Variants in EVC observed in about 807,000 individuals in gnomAD.
EVC encodes EvC ciliary complex subunit 1, also known as evC complex member EVC.
Under a neutral mutation model 118.9 loss-of-function variants are expected in EVC, and 116 were observed. That is an observed-to-expected ratio of 0.98 (90% CI 0.84 to 1.14). The LOEUF (loss-of-function observed/expected upper bound fraction) is 1.14, where lower values mean the gene tolerates loss of function less well. EVC is among the 50% of genes most tolerant of loss of function. EVC has a pLI of 0.00. For synonymous variants in EVC, 619 were observed against 534.7 expected, an observed-to-expected ratio of 1.16 and a Z score of -2.18; for missense variants, 1,401 against 1,246.4, an observed-to-expected ratio of 1.12 and a Z score of -1.87.
chr4:5,712,150 T>C (rs935106092), intron 1 of EVC, among the ~76,000 whole-genome samples: 22 of 152,172 alleles, frequency 1.4e-4, no homozygotes, highest in African/African-American at 4.3e-4. Context: ...AAACTATCGG[T>C]TATGACACCG....
intron 2 of EVC, among the ~76,000 whole-genome samples, chr4:5,721,543 G>C (rs1003752018): frequency 1.7e-5 from 2 of 114,974 alleles, no homozygotes; most frequent in African/African-American, 2.7e-5. Context: ...AAGAGGACAG[G>C]GTTTCTCTTT....
At chr4:5,821,520 T>C in the EVC span, 2 of 536,152 alleles carry the variant, frequency 3.7e-6, no homozygotes, top group Non-Finnish European at 6.7e-6. This position sits in a 1 kb window ranked among gnomAD's most constrained non-coding sequence, Gnocchi z 4.4. Flanking sequence ...GAAGGGGGAA[T>C]GAAAACACCA....
chr4:5,801,953 A>G lies in EVC; in HGVS notation c.2308A>G (p.Thr770Ala), dbSNP rs1295761643. The change falls in exon 16 of 21, where the codon ACA becomes GCA. Residue 770 changes from threonine (T) to alanine (A), a missense_variant. By Grantham distance (58) the Thr-to-Ala change is moderately conservative. Transcript: ENST00000264956. ...TGTCCTTCCTTTCTTCCCTCAGAGG[A>G]CACTGATGGAGGCGGCAGTGGAGAG... is the stretch of plus-strand genomic sequence containing the variant. ...RAKDRDDFKR[T>A]LMEAAVESVY... 2 of 1,613,266 alleles carry G rather than the reference A, an allele frequency of 1.2e-6. No individual in the cohort carries two copies. The highest frequency in any genetic ancestry group is 1.7e-6 in the Non-Finnish European group (2 of 1,179,950).
the EVC span, chr4:5,821,692 C>A: frequency 6.9e-7 from 1 of 1,457,306 alleles, no homozygotes. The surrounding 1 kb of genome is among the most constrained non-coding windows in gnomAD (Gnocchi z 4.4). Flanking sequence ...GTTTCAAAAA[C>A]ACTGACAGGA....
At position 5,788,528 on chromosome 4, in the gene EVC, G is replaced by A. The variant is rs368797683; in HGVS notation, c.1776+4764G>A. Among the ~76,000 whole-genome samples the A allele has an allele frequency of 1.2e-4, 18 of 152,272 alleles. No individual in the cohort carries two copies. In the South Asian group the frequency reaches 2.5e-3, roughly 21 times the overall value. On this transcript the variant is annotated intron_variant, in intron 12 of 20. Transcript: ENST00000264956. ...AGAAATGGGTGTGTCAAAAACAGCCGTTGCTCTTCCTGCCAACCTGCCTTA... is the reference window on the plus strand; with the variant it reads ...AGAAATGGGTGTGTCAAAAACAGCCATTGCTCTTCCTGCCAACCTGCCTTA...
At position 5,743,570 on chromosome 4, in the gene EVC, T is replaced by C. The variant is rs1200390647; in HGVS notation, c.802-1634T>C. On this transcript the variant is annotated intron_variant, in intron 6 of 20. Transcript: ENST00000264956. The surrounding 1 kb of genome is among the most constrained non-coding windows in gnomAD (Gnocchi z 4.7). ...ACCTTCACCTTCATTAGAGTCCTCA[T>C]TGTCATCGTCATCGTCCTTGTTCCT... 6.6e-6 allele frequency among the ~76,000 whole-genome samples: 1 copy of C among 152,140 alleles called. No individual in the cohort carries two copies. Among genetic ancestry groups the C allele is most frequent in the Non-Finnish European group, 1.5e-5 (1 of 68,012 alleles).
At chr4:5,763,987 A>C (rs1732469041) in intron 11 of EVC, among the ~76,000 whole-genome samples, 1 of 145,912 alleles carries the variant, frequency 6.9e-6, no homozygotes, top group Admixed American at 6.8e-5. Context: ...GCCAGTTTTC[A>C]AAGGGAATGC....
intron 1 of EVC, among the ~76,000 whole-genome samples, chr4:5,713,324 A>G (rs1184577807): frequency 6.6e-6 from 1 of 152,180 alleles, no homozygotes; most frequent in African/African-American, 2.4e-5. Context: ...TATAAAATGT[A>G]TGTCAGACAA....
At chr4:5,792,028 A>T (rs1198880234) in intron 12 of EVC, among the ~76,000 whole-genome samples, 1 of 152,248 alleles carries the variant, frequency 6.6e-6, no homozygotes, top group African/African-American at 2.4e-5. Flanking sequence ...ACTAAGCAGA[A>T]TATGTGACTT....
intron 4 of EVC, among the ~76,000 whole-genome samples, chr4:5,732,598 T>C (rs1473384966): frequency 1.3e-5 from 2 of 152,258 alleles, no homozygotes; most frequent in African/African-American, 2.4e-5. Context: ...GTTGACCCTA[T>C]GATGGTCACT....
At chr4:5,739,648 T>C (rs573016610) in intron 5 of EVC, among the ~76,000 whole-genome samples, 2 of 152,362 alleles carry the variant, frequency 1.3e-5, no homozygotes, top group East Asian at 1.9e-4. Flanking sequence ...CCTGTATGCC[T>C]GTGTGGCATA....
At chr4:5,733,810 T>G (rs1162752542) in intron 5 of EVC, among the ~76,000 whole-genome samples, 2 of 152,228 alleles carry the variant, frequency 1.3e-5, no homozygotes, top group African/African-American at 2.4e-5. Context: ...AGTCTTGCTA[T>G]GTACGAGGTC....
intron 2 of EVC, among the ~76,000 whole-genome samples, chr4:5,720,425 T>C (rs967332462): frequency 5.3e-5 from 8 of 152,206 alleles, no homozygotes; most frequent in Admixed American, 4.6e-4. Context: ...ATATTTGTCC[T>C]TGGGTTTGCC....
intron 11 of EVC, among the ~76,000 whole-genome samples, chr4:5,779,316 C>T (rs1186754904): frequency 1.5e-3 from 230 of 151,994 alleles, no homozygotes; most frequent in Middle Eastern, 3.4e-3. Flanking sequence ...ATTGACTTGG[C>T]GATGCGGGCT....
chr4:5,753,146 GC>G, intron 9 of EVC, 94 bp downstream of exon 9: 1 of 1,218,564 alleles, frequency 8.2e-7, no homozygotes, highest in Non-Finnish European at 1.2e-6. Flanking sequence ...GGGGCAGTGT[GC>G]CCATGATGCC....
At chr4:5,799,175 T>C (rs1326409421) in intron 15 of EVC, among the ~76,000 whole-genome samples, 1 of 152,200 alleles carries the variant, frequency 6.6e-6, no homozygotes, top group Admixed American at 6.5e-5. Flanking sequence ...TCCCTGCCCC[T>C]GGCCGCCTCT....
At position 5,714,971 on chromosome 4, in the gene EVC, A is replaced by AT. The variant is rs71171415; in HGVS notation, c.174+3431dup. Among the ~76,000 whole-genome samples, 18 of 147,976 alleles carry AT rather than the reference A, an allele frequency of 1.2e-4. 1 individual carries two copies. The East Asian group carries it at 1.4e-3, about 12-fold the overall frequency. ...AGGCTTGCACCACCATGCCTGGCTA[A>AT]TTTTTTTTTTTTTTCTATTTTCTGT... On this transcript the variant is annotated intron_variant, in intron 1 of 20. Transcript: ENST00000264956.
intron 8 of EVC, among the ~76,000 whole-genome samples, chr4:5,750,571 C>A (rs761894514): frequency 5.9e-5 from 9 of 152,150 alleles, no homozygotes; most frequent in Non-Finnish European, 1.3e-4. Context: ...TGATCTTGGG[C>A]AGATAATTTA....
At chr4:5,740,487 A>G (rs1170886972) in intron 5 of EVC, among the ~76,000 whole-genome samples, 1 of 150,000 alleles carries the variant, frequency 6.7e-6, no homozygotes, top group Non-Finnish European at 1.5e-5. Context: ...AAAAAAAAAA[A>G]GAAAAAGAAA....
Sources: allele counts gnomAD v4.1 joint callset (sites outside exome capture counted in the v4.1 genomes callset), GRCh38; gene constraint gnomAD v4.1.1; non-coding constraint Gnocchi (gnomAD v3.1); transcripts MANE v1.5; gene names NCBI Gene and HGNC (gene_info 2026-07-23, HGNC 2026-07-21).